SORCS2: variants seen among roughly 807,000 people sequenced by gnomAD.
The protein encoded by SORCS2 is VPS10 domain-containing receptor SorCS2.
Under a neutral mutation model 141.6 loss-of-function variants are expected in SORCS2, and 100 were observed. That is an observed-to-expected ratio of 0.71 (90% CI 0.60 to 0.83). SORCS2 has a LOEUF of 0.83. SORCS2 is among the 40% of genes least tolerant of loss of function. The probability of loss-of-function intolerance (pLI) is 0.00; values close to 1 mark genes in which losing one functional copy is unlikely to be tolerated. For synonymous variants in SORCS2, 789 were observed against 676.9 expected (o/e 1.17, Z -2.57); for missense variants, 1,646 against 1,560.2 (o/e 1.05, Z -0.93).
At chr4:7,594,735 G>A (rs923748585) in intron 3 of SORCS2, among the ~76,000 whole-genome samples, 1 of 152,100 alleles carries the variant, frequency 6.6e-6, no homozygotes, top group Non-Finnish European at 1.5e-5. Context: ...TGGGTGTCTT[G>A]GAGTTCAACA....
chr4:7,454,591 G>A (rs1202831534), intron 2 of SORCS2, among the ~76,000 whole-genome samples: 2 of 131,772 alleles, frequency 1.5e-5, no homozygotes, highest in Non-Finnish European at 1.6e-5. Context: ...GGGGTCAGGT[G>A]CTGTGTTGGG....
At chr4:7,705,497 C>T (rs1228546772) in intron 14 of SORCS2, among the ~76,000 whole-genome samples, 1 of 152,244 alleles carries the variant, frequency 6.6e-6, no homozygotes, top group East Asian at 1.9e-4. Flanking sequence ...AGATTGGACA[C>T]CTGGACTTTG....
intron 3 of SORCS2, among the ~76,000 whole-genome samples, chr4:7,632,010 A>G (rs954214572): frequency 5.9e-5 from 9 of 152,324 alleles, no homozygotes; most frequent in African/African-American, 1.9e-4. Flanking sequence ...TCAGGGGAGA[A>G]AAGCCGTCTG....
intron 1 of SORCS2, among the ~76,000 whole-genome samples, chr4:7,314,878 T>C (rs1255821770): frequency 2.7e-5 from 4 of 147,940 alleles, no homozygotes; most frequent in Admixed American, 6.7e-5. Context: ...GTTGCCCAGG[T>C]TGGAGTGCAG....
intron 1 of SORCS2, among the ~76,000 whole-genome samples, chr4:7,271,813 G>A (rs763971474): frequency 6.6e-5 from 10 of 152,350 alleles, no homozygotes; most frequent in South Asian, 2.1e-4. Flanking sequence ...GGCCTATGCC[G>A]GGGCCCGAGA....
chr4:7,674,747 T>C (rs1269459088), intron 8 of SORCS2, among the ~76,000 whole-genome samples: 3 of 150,494 alleles, frequency 2.0e-5, no homozygotes, highest in Non-Finnish European at 4.4e-5. Flanking sequence ...TCTTCCTCAT[T>C]CTCCACTGAA....
intron 11 of SORCS2, among the ~76,000 whole-genome samples, chr4:7,692,155 G>A (rs1724298847): frequency 6.6e-6 from 1 of 152,208 alleles, no homozygotes; most frequent in African/African-American, 2.4e-5. Context: ...AGCATCTGCT[G>A]GGAGCAGGAG....
rs184063695 is a variant in SORCS2 at position 7,333,949 on chromosome 4, C to G, written c.481-62339C>G. Among the ~76,000 whole-genome samples, 1,132 of 152,172 alleles carry G rather than the reference C, an allele frequency of 7.4e-3. 18 individuals carry two copies. Among genetic ancestry groups the G allele is most frequent in the Non-Finnish European group, 0.011 (739 of 67,988 alleles). ...GCCTCTGATCCCGCTTCTCCCATCT[C>G]TGCCCCTTGGGCCTAGCCTCCATAC... On this transcript the variant is annotated intron_variant, in intron 1 of 26. Transcript: ENST00000507866.
At position 7,540,032 on chromosome 4, in the gene SORCS2, C is replaced by G. The variant is rs529898169; in HGVS notation, c.648+8403C>G. Among the ~76,000 whole-genome samples, 334 of 144,160 alleles carry G rather than the reference C, an allele frequency of 2.3e-3. 1 individual carries two copies. The highest frequency in any genetic ancestry group is 7.8e-3 in the African/African-American group (301 of 38,426). The allele number at this position is 144,160 out of a possible 152,430, so 94.6% of individuals were successfully genotyped here. Reference sequence around the variant, plus strand: ...TTATGGAGGCCCCGCCCCCTTTCTGCTGTGGAGGCCCCACCCCCTGCCTGT... The same window carrying G: ...TTATGGAGGCCCCGCCCCCTTTCTGGTGTGGAGGCCCCACCCCCTGCCTGT... On this transcript the variant is annotated intron_variant, in intron 3 of 26. Coordinates refer to ENST00000507866, the MANE Select transcript of SORCS2 (RefSeq NM_020777.3).
At chr4:7,354,830 C>T (rs1721152134) in intron 1 of SORCS2, among the ~76,000 whole-genome samples, 1 of 152,182 alleles carries the variant, frequency 6.6e-6, no homozygotes, top group South Asian at 2.1e-4. Context: ...GAAACCCAGA[C>T]TTGACATAAT....
In SORCS2 at chr4:7,262,448, G is replaced by A. The variant is rs542390431; in HGVS notation, c.480+69322G>A. Among the ~76,000 whole-genome samples the A allele has an allele frequency of 1.1e-4, 16 of 150,774 alleles. No individual in the cohort carries two copies. In the South Asian group the frequency reaches 1.5e-3, roughly 14 times the overall value. The stretch of plus-strand genomic sequence containing the variant: ...CATCCATCCATGGCCTATTCCTGTA[G>A]GCCACTGCTTAAGCACTGGGATAGT... On this transcript the variant is annotated intron_variant, in intron 1 of 26. Transcript: ENST00000507866.
intron 1 of SORCS2, among the ~76,000 whole-genome samples, chr4:7,371,905 G>A (rs1200251413): frequency 1.3e-5 from 2 of 152,222 alleles, no homozygotes; most frequent in African/African-American, 2.4e-5. Context: ...CCTGCATGCT[G>A]GTGGCCTCTA....
intron 3 of SORCS2, among the ~76,000 whole-genome samples, chr4:7,565,219 T>C (rs906570453): frequency 6.6e-6 from 1 of 152,160 alleles, no homozygotes; most frequent in Admixed American, 6.5e-5. Flanking sequence ...GAAGTACTGT[T>C]TCCAAACAAC....
chr4:7,345,227 T>C (rs988550134), intron 1 of SORCS2, among the ~76,000 whole-genome samples: 2 of 152,174 alleles, frequency 1.3e-5, no homozygotes, highest in Non-Finnish European at 2.9e-5. Context: ...GTGTCTGCCA[T>C]GAAATCTTAA....
intron 1 of SORCS2, among the ~76,000 whole-genome samples, chr4:7,337,045 G>C (rs917626346): frequency 5.3e-5 from 8 of 152,230 alleles, no homozygotes; most frequent in Non-Finnish European, 1.0e-4. Flanking sequence ...GCTGAGAAGA[G>C]AGAGGCTGGC....
chr4:7,216,645 G>C (rs552611029), intron 1 of SORCS2, among the ~76,000 whole-genome samples: 4 of 152,138 alleles, frequency 2.6e-5, no homozygotes, highest in South Asian at 4.2e-4. Context: ...CTCTGCCTTC[G>C]CGTCTCCTTC....
chr4:7,719,308 CCCAG>C (rs1726416636), intron 18 of SORCS2, among the ~76,000 whole-genome samples: 1 of 152,240 alleles, frequency 6.6e-6, no homozygotes, highest in Non-Finnish European at 1.5e-5. Context: ...GCAGTGCTTG[CCCAG>C]CGCCTCCGTG....
intron 2 of SORCS2, among the ~76,000 whole-genome samples, chr4:7,408,779 A>T (rs1725130759): frequency 6.6e-6 from 1 of 151,858 alleles, no homozygotes. Flanking sequence ...TTTGCAGGTG[A>T]TCTTTGTTCC....
intron 1 of SORCS2, among the ~76,000 whole-genome samples, chr4:7,223,176 G>C (rs1406246261): frequency 6.6e-6 from 1 of 152,166 alleles, no homozygotes; most frequent in Non-Finnish European, 1.5e-5. Context: ...AAAGGCCTAA[G>C]GAAAAAGAAA....
Sources: gnomAD v4.1 joint callset for allele counts (sites outside exome capture counted in the v4.1 genomes callset) on GRCh38, gnomAD v4.1.1 for gene constraint, MANE v1.5 for transcripts, NCBI Gene and HGNC (gene_info 2026-07-23, HGNC 2026-07-21) for gene names.